Variants in LRRC4C observed in about 807,000 individuals in gnomAD.
LRRC4C encodes leucine-rich repeat-containing protein 4C.
In LRRC4C, 5 loss-of-function variants were observed where a neutral mutation model predicts 33.6. That is an observed-to-expected ratio of 0.15 (90% CI 0.08 to 0.31). The LOEUF (loss-of-function observed/expected upper bound fraction) is 0.31, where lower values mean the gene tolerates loss of function less well. Ranked by LOEUF, LRRC4C falls within the 10% of genes least tolerant of loss-of-function variation. The pLI, the probability that LRRC4C is intolerant of heterozygous loss-of-function variation, is 1.00. For missense variants in LRRC4C, 560 were observed against 796.7 expected (o/e 0.70, Z 3.58); for synonymous variants, 329 against 302.0 (o/e 1.09, Z -0.93).
chr11:41,187,458 T>C (rs908941306), intron 1 of LRRC4C, among the ~76,000 whole-genome samples: 2 of 152,050 alleles, frequency 1.3e-5, no homozygotes, highest in Admixed American at 6.6e-5. Flanking sequence ...CATTTGGAGG[T>C]AAGCCTAGCC....
intron 1 of LRRC4C, among the ~76,000 whole-genome samples, chr11:41,350,366 C>T (rs981040662): frequency 2.0e-5 from 3 of 151,936 alleles, no homozygotes; most frequent in East Asian, 1.9e-4. Flanking sequence ...AAAAATTAGC[C>T]GGGCGTTGTG....
chr11:41,268,927 T>G (rs184272523), intron 1 of LRRC4C, among the ~76,000 whole-genome samples: 41 of 152,110 alleles, frequency 2.7e-4, no homozygotes, highest in African/African-American at 9.9e-4. Context: ...TCTACAGACT[T>G]ACAAAGGAAA....
In LRRC4C at chr11:40,990,775, C is replaced by T. The variant is rs541384562; in HGVS notation, c.-495-57052G>A. 5.9e-5 allele frequency among the ~76,000 whole-genome samples: 9 copies of T among 152,168 alleles called. No homozygotes were observed. In the East Asian group the frequency reaches 1.4e-3, roughly 23 times the overall value. ...TACATACACTGGTAGCAAAACAATG[C>T]CTTTTTTACTGCCGCAATGAAGGAG... On this transcript the variant is annotated intron_variant, in intron 1 of 6. Transcript: ENST00000528697.
intron 2 of LRRC4C, among the ~76,000 whole-genome samples, chr11:40,652,399 A>G (rs1192611563): frequency 6.6e-6 from 1 of 152,230 alleles, no homozygotes; most frequent in Non-Finnish European, 1.5e-5. Flanking sequence ...CAGGAAGGAA[A>G]TAGACTTGTA....
intron 1 of LRRC4C, among the ~76,000 whole-genome samples, chr11:41,367,616 A>G (rs1400159288): frequency 3.3e-5 from 5 of 152,172 alleles, no homozygotes; most frequent in Admixed American, 6.5e-5. Context: ...GGTCAAATGT[A>G]TATGTATGTG....
chr11:40,915,992 A>G (rs1481688686), intron 2 of LRRC4C, among the ~76,000 whole-genome samples: 2 of 145,870 alleles, frequency 1.4e-5, no homozygotes, highest in African/African-American at 2.4e-5. Context: ...CAAAACCACA[A>G]TGAGATACCA....
chr11:40,966,406 A>T (rs749765287), intron 1 of LRRC4C, among the ~76,000 whole-genome samples: 2 of 151,962 alleles, frequency 1.3e-5, no homozygotes, highest in Non-Finnish European at 2.9e-5. Context: ...GAGTTTTTAC[A>T]TATGGGGCTA....
chr11:40,230,228 G>A (rs979681726), intron 5 of LRRC4C, among the ~76,000 whole-genome samples: 3 of 152,304 alleles, frequency 2.0e-5, no homozygotes, highest in East Asian at 3.9e-4. Flanking sequence ...ATTATTTCGT[G>A]TTAAAGAGAA....
chr11:40,587,017 C>A (rs1454748821), intron 3 of LRRC4C, among the ~76,000 whole-genome samples: 1 of 151,846 alleles, frequency 6.6e-6, no homozygotes, highest in Non-Finnish European at 1.5e-5. Flanking sequence ...TGAAGAAATT[C>A]ATTGGTAGCT....
At chr11:41,174,774 A>T (rs1945123746) in intron 1 of LRRC4C, among the ~76,000 whole-genome samples, 2 of 152,012 alleles carry the variant, frequency 1.3e-5, no homozygotes, top group African/African-American at 4.8e-5. Flanking sequence ...CTTGAGCCCT[A>T]ATTTGTTTTT....
At chr11:41,018,367 G>C (rs1293604544) in intron 1 of LRRC4C, among the ~76,000 whole-genome samples, 2 of 152,164 alleles carry the variant, frequency 1.3e-5, no homozygotes, top group African/African-American at 4.8e-5. Flanking sequence ...AGCTACAGAA[G>C]TGTAGATTTC....
At chr11:41,453,670 G>A (rs1043931781) in intron 1 of LRRC4C, among the ~76,000 whole-genome samples, 1 of 152,028 alleles carries the variant, frequency 6.6e-6, no homozygotes, top group African/African-American at 2.4e-5. Flanking sequence ...ATGTGTGTGT[G>A]TGTGTGTATG....
At chr11:40,236,293 C>T (rs890998622) in intron 5 of LRRC4C, among the ~76,000 whole-genome samples, 6 of 152,190 alleles carry the variant, frequency 3.9e-5, no homozygotes, top group African/African-American at 1.2e-4. Context: ...ACAGCAGCTG[C>T]TGGCTTAAGG....
intron 1 of LRRC4C, among the ~76,000 whole-genome samples, chr11:41,184,553 G>C (rs1414980890): frequency 1.3e-5 from 2 of 152,038 alleles, no homozygotes; most frequent in African/African-American, 4.8e-5. Context: ...ACCTTAGCCT[G>C]GACATTGTTG....
At chr11:40,834,011 A>G (rs1270899086) in intron 2 of LRRC4C, among the ~76,000 whole-genome samples, 4 of 152,080 alleles carry the variant, frequency 2.6e-5, no homozygotes, top group Non-Finnish European at 5.9e-5. Flanking sequence ...TCTGTTTGTT[A>G]TATGTGTACA....
intron 3 of LRRC4C, among the ~76,000 whole-genome samples, chr11:40,516,716 A>G (rs898954564): frequency 2.0e-5 from 3 of 152,050 alleles, no homozygotes; most frequent in African/African-American, 7.2e-5. Context: ...ATCCAACCCA[A>G]TTTTTCTTCT....
chr11:40,990,125 T>C (rs995587349), intron 1 of LRRC4C, among the ~76,000 whole-genome samples: 1 of 150,416 alleles, frequency 6.6e-6, no homozygotes, highest in Non-Finnish European at 1.5e-5. Flanking sequence ...TTGTAATTTC[T>C]AGCTAGTCCA....
rs141697703 is a variant in LRRC4C, at chr11:40,398,968, G to C, written c.-269-79247C>G. Among the ~76,000 whole-genome samples, 330 of 152,144 alleles carry C rather than the reference G, an allele frequency of 2.2e-3. 5 individuals carry two copies. The East Asian group carries it at 0.029, about 13-fold the overall frequency. On this transcript the variant is annotated intron_variant, in intron 3 of 6. Coordinates refer to ENST00000528697, the MANE Select transcript of LRRC4C (RefSeq NM_001258419.2). ...CTGCTTCTGAACTTTTACTCTTTTA[G>C]ATAACCCTCTAATTAACATACTGGT...
chr11:41,274,987 G>A (rs1472082779), intron 1 of LRRC4C, among the ~76,000 whole-genome samples: 1 of 152,082 alleles, frequency 6.6e-6, no homozygotes, highest in Non-Finnish European at 1.5e-5. Context: ...CTCATGAATG[G>A]ATTAGTGCTG....
Sources: allele counts gnomAD v4.1 joint callset (sites outside exome capture counted in the v4.1 genomes callset), GRCh38; gene constraint gnomAD v4.1.1; transcripts MANE v1.5; gene names NCBI Gene and HGNC (gene_info 2026-07-23, HGNC 2026-07-21).